PAK5: variants seen among roughly 807,000 people sequenced by gnomAD.
PAK5 encodes the protein serine/threonine-protein kinase PAK 5.
Under a neutral mutation model 65.9 loss-of-function variants are expected in PAK5, and 16 were observed. That is an observed-to-expected ratio of 0.24 (90% CI 0.16 to 0.37). PAK5 has a LOEUF of 0.37. Ranked by LOEUF, PAK5 falls within the 10% of genes least tolerant of loss-of-function variation. PAK5 has a pLI of 1.00. For missense variants in PAK5, 785 were observed against 903.9 expected (o/e 0.87, Z 1.69); for synonymous variants, 371 against 354.9 (o/e 1.05, Z -0.51).
At chr20:9,670,475 G>A (rs1457947774) in intron 2 of PAK5, among the ~76,000 whole-genome samples, 3 of 152,162 alleles carry the variant, frequency 2.0e-5, no homozygotes, top group African/African-American at 7.2e-5. Context: ...TAACTGGTGT[G>A]AGATGGTATT....
intron 1 of PAK5, among the ~76,000 whole-genome samples, chr20:9,739,434 A>G (rs2048427037): frequency 6.6e-6 from 1 of 152,070 alleles, no homozygotes; most frequent in South Asian, 2.1e-4. Context: ...ACTATACTGA[A>G]ATTGCTGGCT....
Position 9,538,204 on chromosome 20 carries a change from T to C in PAK5, c.*1258A>G. The C allele has an allele frequency of 4.3e-6, 1 of 233,608 alleles. No homozygotes were observed. The highest frequency in any genetic ancestry group is 8.5e-6 in the Non-Finnish European group (1 of 118,000). 14.5% of individuals were successfully genotyped at this position (233,608 alleles called of 1,614,324 possible). ...ATTTTTATCAACATTCAAGAAGATC[T>C]AGACAGCAGCACGACTCTCCTATGT... On this transcript the variant is annotated 3_prime_UTR_variant, in exon 10 of 10. Transcript: ENST00000353224.
chr20:9,583,911 A>G (rs2046023984), intron 3 of PAK5, among the ~76,000 whole-genome samples: 2 of 152,222 alleles, frequency 1.3e-5, no homozygotes, highest in African/African-American at 4.8e-5. Context: ...TTCACTGAGC[A>G]TAATATAGTC....
At chr20:9,557,361 T>C (rs1023079907) in intron 7 of PAK5, among the ~76,000 whole-genome samples, 1 of 152,122 alleles carries the variant, frequency 6.6e-6, no homozygotes, top group South Asian at 2.1e-4. Context: ...ATAGCCATAG[T>C]TTCTATTACT....
chr20:9,697,072 G>T (rs1198478188), intron 2 of PAK5, among the ~76,000 whole-genome samples: 1 of 152,038 alleles, frequency 6.6e-6, no homozygotes, highest in Non-Finnish European at 1.5e-5. Flanking sequence ...AAAATGACCT[G>T]AATCATCCAT....
At chr20:9,595,128 G>T (rs71330248) in intron 3 of PAK5, among the ~76,000 whole-genome samples, 113,150 of 150,346 alleles carry the variant, frequency 0.75, 43,348 homozygotes, top group African/African-American at 0.9. Context: ...TATATATAGA[G>T]AGAGAGAGAG....
chr20:9,822,836 T>C (rs1487022511), intron 1 of PAK5, among the ~76,000 whole-genome samples: 4 of 152,202 alleles, frequency 2.6e-5, no homozygotes, highest in Non-Finnish European at 1.5e-5. Context: ...AGCCTTCAAC[T>C]AATGACTGAT....
intron 3 of PAK5, among the ~76,000 whole-genome samples, chr20:9,634,104 A>C (rs965004791): frequency 5.9e-5 from 9 of 152,138 alleles, no homozygotes; most frequent in African/African-American, 2.2e-4. Flanking sequence ...TTCATTCATG[A>C]GGTCTCAGTG....
intron 1 of PAK5, among the ~76,000 whole-genome samples, chr20:9,776,154 C>T (rs2048885049): frequency 1.3e-5 from 2 of 152,082 alleles, no homozygotes; most frequent in South Asian, 4.2e-4. Flanking sequence ...TCTTGTGAAG[C>T]AGGAATATAG....
chr20:9,619,901 C>T (rs975101297), intron 3 of PAK5, among the ~76,000 whole-genome samples: 2 of 152,214 alleles, frequency 1.3e-5, no homozygotes, highest in African/African-American at 2.4e-5. Context: ...TGCTCTCAGC[C>T]AATCATTAGT....
At chr20:9,741,234 G>A (rs1465279754) in intron 1 of PAK5, among the ~76,000 whole-genome samples, 2 of 152,112 alleles carry the variant, frequency 1.3e-5, no homozygotes, top group African/African-American at 4.8e-5. Context: ...AGAATAGAGA[G>A]AGAAAGGAAG....
chr20:9,835,869 TA>T (rs1979109861), intron 1 of PAK5, among the ~76,000 whole-genome samples: 1 of 152,200 alleles, frequency 6.6e-6, no homozygotes, highest in Non-Finnish European at 1.5e-5. Context: ...AGAAAGTTGT[TA>T]GCTTGCCTTT....
chr20:9,748,195 A>G (rs1487884619), intron 1 of PAK5, among the ~76,000 whole-genome samples: 4 of 152,208 alleles, frequency 2.6e-5, no homozygotes, highest in South Asian at 2.1e-4. Context: ...GAGGATACAA[A>G]TAAATGGAAG....
chr20:9,769,680 G>T (rs974077157), intron 1 of PAK5, among the ~76,000 whole-genome samples: 4 of 152,174 alleles, frequency 2.6e-5, no homozygotes. Context: ...TCAGCTATGG[G>T]CTAGAGAGCA....
chr20:9,545,829 A>G (rs1304418780), intron 7 of PAK5, among the ~76,000 whole-genome samples: 1 of 151,970 alleles, frequency 6.6e-6, no homozygotes, highest in Non-Finnish European at 1.5e-5. Context: ...CCCCTTTCCT[A>G]TCAGTCCTGT....
chr20:9,805,214 C>T (rs533745398), intron 1 of PAK5, among the ~76,000 whole-genome samples: 1 of 152,200 alleles, frequency 6.6e-6, no homozygotes, highest in South Asian at 2.1e-4. Context: ...ATCGAATAGT[C>T]AGATAATAAC....
chr20:9,776,553 C>A (rs2048889059), intron 1 of PAK5, among the ~76,000 whole-genome samples: 1 of 152,140 alleles, frequency 6.6e-6, no homozygotes, highest in Non-Finnish European at 1.5e-5. Flanking sequence ...CAGAATAAGT[C>A]AGAAGTGGTA....
chr20:9,776,346 C>T (rs1443420447), intron 1 of PAK5, among the ~76,000 whole-genome samples: 1 of 152,132 alleles, frequency 6.6e-6, no homozygotes, highest in East Asian at 1.9e-4. Flanking sequence ...TATCAAAGTG[C>T]CTGCTGTTCT....
chr20:9,631,554 G>T (rs1281896944), intron 3 of PAK5, among the ~76,000 whole-genome samples: 1 of 152,198 alleles, frequency 6.6e-6, no homozygotes, highest in African/African-American at 2.4e-5. Flanking sequence ...TGAGCCTCCA[G>T]ATGGGAATGA....
Sources: gnomAD v4.1 joint callset for allele counts (sites outside exome capture counted in the v4.1 genomes callset) on GRCh38, gnomAD v4.1.1 for gene constraint, MANE v1.5 for transcripts, NCBI Gene and HGNC (gene_info 2026-07-23, HGNC 2026-07-21) for gene names.